The following CAMKK1 variants were observed in gnomAD, a reference collection of about 807,000 sequenced individuals.
CAMKK1 encodes the protein calcium/calmodulin-dependent protein kinase kinase 1.
A neutral mutation model predicts 63.5 loss-of-function variants in CAMKK1; 20 were observed. That is an observed-to-expected ratio of 0.32 (90% CI 0.22 to 0.46). The LOEUF is 0.46. Ranked by LOEUF, CAMKK1 falls within the 20% of genes least tolerant of loss-of-function variation. The probability of loss-of-function intolerance (pLI) is 1.00; values close to 1 mark genes in which losing one functional copy is unlikely to be tolerated. For synonymous variants in CAMKK1, 253 were observed against 269.0 expected (o/e 0.94, Z 0.58); for missense variants, 588 against 658.1 (o/e 0.89, Z 1.17).
chr17:3,870,659 C>G (rs1354460409), intron 12 of CAMKK1, among the ~76,000 whole-genome samples: 1 of 152,182 alleles, frequency 6.6e-6, no homozygotes, highest in Admixed American at 6.5e-5. Context: ...GCCACCACGC[C>G]CGGCCAAACC....
At chr17:3,863,483 A>T (rs1054410820) in intron 15 of CAMKK1, among the ~76,000 whole-genome samples, 1 of 152,046 alleles carries the variant, frequency 6.6e-6, no homozygotes, top group Non-Finnish European at 1.5e-5. Flanking sequence ...GGGCAACAAG[A>T]GTGAAACTCC....
chr17:3,870,389 G>A (rs1252913329), intron 12 of CAMKK1, among the ~76,000 whole-genome samples: 7 of 149,388 alleles, frequency 4.7e-5, no homozygotes, highest in Admixed American at 2.7e-4. Context: ...TTTTTGAGAT[G>A]GAGTCTCGCT....
intron 9 of CAMKK1, among the ~76,000 whole-genome samples, chr17:3,877,009 T>C (rs7221812): frequency 0.86 from 129,854 of 151,848 alleles, 55,562 homozygotes; most frequent in South Asian, 0.93. Context: ...CCACCCACCT[T>C]GGCCTCCCAA....
At chr17:3,888,734 C>T (rs1353896724) in intron 1 of CAMKK1, among the ~76,000 whole-genome samples, 1 of 152,232 alleles carries the variant, frequency 6.6e-6, no homozygotes, top group Non-Finnish European at 1.5e-5. Context: ...ATCCCTCCCT[C>T]CCGCCTGGAT....
Position 3,885,496 on chromosome 17 carries a change from G to C in CAMKK1, c.192C>G (p.Ala64=), listed in dbSNP as rs2055607353. 3 of 1,613,832 alleles carry C rather than the reference G, an allele frequency of 1.9e-6. No homozygotes were observed. Among genetic ancestry groups the C allele is most frequent in the Non-Finnish European group, 2.5e-6 (3 of 1,180,020 alleles). The stretch of plus-strand genomic sequence containing the variant: ...GCTTCCTGGCTGAGAGGCTAGGCCG[G>C]GCTGGGAGCAGTCTTGAAGTACTGC... ...IPGSTSRLLP[A]RPSLSARKLS... Residue 64 remains alanine, a synonymous_variant, in exon 2 of 16, where the codon GCC becomes GCG. Transcript: ENST00000348335.
At chr17:3,880,111 C>A (rs2055340709) in intron 9 of CAMKK1, 1 of 555,212 alleles carries the variant, frequency 1.8e-6, no homozygotes, top group African/African-American at 1.9e-5. Flanking sequence ...AGGACTCAGA[C>A]CCACAGGACC....
Position 3,885,402 on chromosome 17 carries a change from C to T in CAMKK1, c.286G>A (p.Ala96Thr). ...AQAGPYATGP[A>T]SHISPRAWRR... ...CAGGCCCGGGGGGAGATGTGGCTGG[C>T]AGGCCCCGTGGCATAAGGCCCAGCC... Residue 96 changes from alanine to threonine, a missense_variant, in exon 2 of 16, where the codon GCC (alanine) becomes ACC (threonine). Physicochemically the swap from Ala to Thr is moderately conservative, Grantham distance 58. Around this residue, in one of 3 missense-constraint regions of CAMKK1, gnomAD observed 357 missense variants for 407.4 expected, o/e 0.88. Transcript: ENST00000348335. 2.5e-6 allele frequency: 4 copies of T among 1,611,246 alleles called. No individual in the cohort carries two copies. Among genetic ancestry groups the T allele is most frequent in the Admixed American group, 3.3e-5 (2 of 59,862 alleles).
At chr17:3,891,115 G>C (rs1255608273) in intron 1 of CAMKK1, among the ~76,000 whole-genome samples, 2 of 151,870 alleles carry the variant, frequency 1.3e-5, no homozygotes, top group Admixed American at 6.6e-5. Flanking sequence ...AGGTTGGGGG[G>C]GGGGTCACAG....
At chr17:3,877,728 C>T (rs997834601) in intron 9 of CAMKK1, among the ~76,000 whole-genome samples, 1 of 152,162 alleles carries the variant, frequency 6.6e-6, no homozygotes, top group Admixed American at 6.5e-5. Flanking sequence ...ATCTGACACA[C>T]CCTTCAGGGC....
At chr17:3,872,735 C>A in intron 11 of CAMKK1, 108 bp from the exon 12 acceptor site, 1 of 830,030 alleles carries the variant, frequency 1.2e-6, no homozygotes, top group Non-Finnish European at 2.1e-6. Context: ...CAGGTCTGGG[C>A]TCCCATTACA....
In CAMKK1 at chr17:3,868,148, CG is replaced by C. The variant is rs367692308; in HGVS notation, c.1341+1338del. ...ACGTGGGCTCTGGGGGAGAAGCAGG[CG>C]CCGTCTAACTGATACGTGGGCTCTG... On this transcript the variant is annotated intron_variant, in intron 14 of 15. Coordinates refer to ENST00000348335, the MANE Select transcript of CAMKK1 (RefSeq NM_032294.3). Among the ~76,000 whole-genome samples, 20 of 19,756 alleles carry C rather than the reference CG, an allele frequency of 1.0e-3. 8 individuals are homozygous for C. Among genetic ancestry groups the C allele is most frequent in the African/African-American group, 8.3e-3 (17 of 2,048 alleles). 13.0% of individuals were successfully genotyped at this position (19,756 alleles called of 152,430 possible).
At chr17:3,876,758 T>G (rs1359880317) in intron 9 of CAMKK1, among the ~76,000 whole-genome samples, 18 of 92,450 alleles carry the variant, frequency 1.9e-4, no homozygotes, top group East Asian at 1.8e-3. Flanking sequence ...TTTTTTTTGG[T>G]TTTTTTTTTT....
At position 3,890,632 on chromosome 17, in the gene CAMKK1, C is replaced by T. The variant is rs573670642; in HGVS notation, c.-44+2307G>A. Reference sequence around the variant, plus strand: ...TGACCCAGGTCAGCAATCCGGGAGCCCTCCTTGTCACTCGTCCTTTCCCTG... The same window carrying T: ...TGACCCAGGTCAGCAATCCGGGAGCTCTCCTTGTCACTCGTCCTTTCCCTG... On this transcript the variant is annotated intron_variant, in intron 1 of 15. Transcript: ENST00000348335. This position sits in a 1 kb window ranked among gnomAD's most constrained non-coding sequence, Gnocchi z 6.5. The T allele has an allele frequency of 3.8e-6, 3 of 779,598 alleles. No individual in the cohort carries two copies. The highest frequency in any genetic ancestry group is 7.2e-6 in the Non-Finnish European group (3 of 417,860). 48.3% of individuals were successfully genotyped at this position (779,598 alleles called of 1,614,324 possible). A position where few individuals can be genotyped will look rare whatever the true frequency, so the allele number is the denominator to read the frequency against.
chr17:3,886,309 G>C (rs1166699011), intron 1 of CAMKK1, among the ~76,000 whole-genome samples: 1 of 152,170 alleles, frequency 6.6e-6, no homozygotes, highest in Non-Finnish European at 1.5e-5. Flanking sequence ...CCCGACTCCA[G>C]CCAGCCCTGC....
chr17:3,862,269 C>A lies in CAMKK1; in HGVS notation c.1460G>T (p.Gly487Val). 6.3e-7 allele frequency: 1 copy of A among 1,586,918 alleles called. No individual in the cohort carries two copies. The highest frequency in any genetic ancestry group is 8.6e-7 in the Non-Finnish European group (1 of 1,165,528). The change falls in exon 16 of 16, where the codon GGT becomes GTT. Residue 487 changes from glycine (G) to valine (V), a missense_variant. Physicochemically the swap from Gly to Val is moderately radical, Grantham distance 109. Transcript: ENST00000348335. The surrounding 1 kb of genome is among the most constrained non-coding windows in gnomAD (Gnocchi z 4.1). Reference protein sequence around the residue: ...PGNLLVKEGFGEGGKSPELPG... With the variant: ...PGNLLVKEGFVEGGKSPELPG... Reference sequence around the variant, plus strand: ...GAGCTCTGGGCTCTTGCCCCCTTCACCAAACCCTTCTTTCCTGTTCAGGGG... The same window carrying A: ...GAGCTCTGGGCTCTTGCCCCCTTCAACAAACCCTTCTTTCCTGTTCAGGGG...
rs1389905083 is a variant in CAMKK1 at position 3,892,369 on chromosome 17, A to AC, written c.-44+569dup. On this transcript the variant is annotated intron_variant, in intron 1 of 15. Coordinates refer to ENST00000348335, the MANE Select transcript of CAMKK1 (RefSeq NM_032294.3). This position sits in a 1 kb window ranked among gnomAD's most constrained non-coding sequence, Gnocchi z 7.5. Reference sequence around the variant, plus strand: ...CACGCAGGTCCCTGCGCACGTGGACACCCCCCCAGCCACCAGCCCTGCGCC... The same window carrying AC: ...CACGCAGGTCCCTGCGCACGTGGACACCCCCCCCAGCCACCAGCCCTGCGCC... Among the ~76,000 whole-genome samples, 51 of 150,462 alleles carry AC rather than the reference A, an allele frequency of 3.4e-4. No individual in the cohort carries two copies. Among genetic ancestry groups the AC allele is most frequent in the Admixed American group, 6.6e-4 (10 of 15,166 alleles).
At chr17:3,888,586 C>G (rs1173586029) in intron 1 of CAMKK1, among the ~76,000 whole-genome samples, 1 of 152,260 alleles carries the variant, frequency 6.6e-6, no homozygotes, top group African/African-American at 2.4e-5. Context: ...GCGCTCAGAA[C>G]AGTGCCTGCC....
chr17:3,889,559 G>T lies in CAMKK1; in HGVS notation c.-44+3380C>A, dbSNP rs768573669. 6.6e-5 allele frequency among the ~76,000 whole-genome samples: 10 copies of T among 152,178 alleles called. No homozygotes were observed. Among genetic ancestry groups the T allele is most frequent in the Admixed American group, 5.9e-4 (9 of 15,298 alleles). On this transcript the variant is annotated intron_variant, in intron 1 of 15. Transcript: ENST00000348335. The surrounding 1 kb of genome is among the most constrained non-coding windows in gnomAD (Gnocchi z 5.2). ...CCACTGTCCTGCCAACTCCCAGGGC[G>T]ATGGAAGGAACAGAATGAGGTGTGG...
At chr17:3,867,131 C>T (rs1053566112) in intron 14 of CAMKK1, among the ~76,000 whole-genome samples, 6 of 152,166 alleles carry the variant, frequency 3.9e-5, no homozygotes, top group Admixed American at 2.6e-4. Flanking sequence ...AAGGGAATGG[C>T]GATGAGGTGT....
Sources: allele counts gnomAD v4.1 joint callset (sites outside exome capture counted in the v4.1 genomes callset), GRCh38; gene constraint gnomAD v4.1.1; regional missense constraint gnomAD v4.1.1; non-coding constraint Gnocchi (gnomAD v3.1); transcripts MANE v1.5; gene names NCBI Gene and HGNC (gene_info 2026-07-23, HGNC 2026-07-21).